HECW1: variants seen among roughly 807,000 people sequenced by gnomAD.
HECW1 encodes HECT, C2 and WW domain containing E3 ubiquitin protein ligase 1.
HECW1 carries 61 observed loss-of-function variants against 182.3 expected under a neutral mutation model. That is an observed-to-expected ratio of 0.33 (90% CI 0.27 to 0.41). The LOEUF (loss-of-function observed/expected upper bound fraction) is 0.41, where lower values mean the gene tolerates loss of function less well. HECW1 is among the 10% of genes least tolerant of loss of function. The pLI, the probability that HECW1 is intolerant of heterozygous loss-of-function variation, is 1.00. For missense variants in HECW1, 1,739 were observed against 2,108.9 expected, an observed-to-expected ratio of 0.82 and a Z score of 3.44; for synonymous variants, 859 against 832.6, an observed-to-expected ratio of 1.03 and a Z score of -0.55.
intron 5 of HECW1, among the ~76,000 whole-genome samples, chr7:43,352,076 A>G (rs1814547582): frequency 6.6e-6 from 1 of 152,140 alleles, no homozygotes; most frequent in Admixed American, 6.5e-5. Context: ...TGCTTCTTTT[A>G]GAATCAACAC....
intron 13 of HECW1, among the ~76,000 whole-genome samples, chr7:43,462,047 T>C (rs1196043682): frequency 6.6e-6 from 1 of 152,220 alleles, no homozygotes; most frequent in Non-Finnish European, 1.5e-5. Flanking sequence ...CTTTCCTCTG[T>C]AAGGTCAAGG....
rs556224595 is a variant in HECW1 at position 43,435,989 on chromosome 7, G to A, written c.802-2014G>A. ...ACCATCCTGGCTAACACAGTGAAACGCTGTCTGTACTAAAAATACAAAAAA... is the reference window on the plus strand; with the variant it reads ...ACCATCCTGGCTAACACAGTGAAACACTGTCTGTACTAAAAATACAAAAAA... On this transcript the variant is annotated intron_variant, in intron 8 of 29. Coordinates refer to ENST00000395891, the MANE Select transcript of HECW1 (RefSeq NM_015052.5). 4.7e-4 allele frequency among the ~76,000 whole-genome samples: 72 copies of A among 152,086 alleles called. 1 individual carries two copies. The highest frequency in any genetic ancestry group is 1.6e-3 in the African/African-American group (67 of 41,500).
chr7:43,502,918 A>C (rs1218633959), intron 21 of HECW1, among the ~76,000 whole-genome samples: 2 of 152,156 alleles, frequency 1.3e-5, no homozygotes, highest in African/African-American at 4.8e-5. Flanking sequence ...TTCCCAAGAG[A>C]AACAGAACTT....
intron 8 of HECW1, among the ~76,000 whole-genome samples, chr7:43,416,321 G>A (rs888241899): frequency 2.0e-5 from 3 of 151,352 alleles, no homozygotes; most frequent in Non-Finnish European, 4.4e-5. Context: ...GCTGGGGGGT[G>A]CCTCCCAGTT....
chr7:43,137,429 A>C (rs558951591), intron 2 of HECW1, among the ~76,000 whole-genome samples: 1 of 152,090 alleles, frequency 6.6e-6, no homozygotes, highest in African/African-American at 2.4e-5. Flanking sequence ...TCTAAAATGG[A>C]TACTCATCAG....
intron 2 of HECW1, among the ~76,000 whole-genome samples, chr7:43,133,062 TA>T (rs1787133457): frequency 6.6e-6 from 1 of 152,136 alleles, no homozygotes. Context: ...TTACTGAAGT[TA>T]ACTAGTGCGT....
rs561178625 is a variant in HECW1 at position 43,406,693 on chromosome 7, G to A, written c.632-869G>A. Among the ~76,000 whole-genome samples, 71 of 152,194 alleles carry A rather than the reference G, an allele frequency of 4.7e-4. No homozygotes were observed. The South Asian group carries it at 0.014, about 29-fold the overall frequency. ...AACACTTTGGGAGGCCGAGGCGGGCGGATCACCTGAGGTCAGGAGTTCAAA... is the reference window on the plus strand; with the variant it reads ...AACACTTTGGGAGGCCGAGGCGGGCAGATCACCTGAGGTCAGGAGTTCAAA... On this transcript the variant is annotated intron_variant, in intron 7 of 29. Coordinates refer to ENST00000395891, the MANE Select transcript of HECW1 (RefSeq NM_015052.5).
At chr7:43,269,368 GAC>G (rs895862975) in intron 3 of HECW1, among the ~76,000 whole-genome samples, 15 of 152,164 alleles carry the variant, frequency 9.9e-5, no homozygotes, top group African/African-American at 3.6e-4. Flanking sequence ...CCCTTTCCCT[GAC>G]ACACACTTCA....
chr7:43,403,774 A>G (rs1419281075), intron 7 of HECW1, among the ~76,000 whole-genome samples: 1 of 152,168 alleles, frequency 6.6e-6, no homozygotes. Context: ...AAATACTAGG[A>G]GGAATAAGGT....
chr7:43,130,403 A>G (rs920408255), intron 2 of HECW1, among the ~76,000 whole-genome samples: 1 of 152,200 alleles, frequency 6.6e-6, no homozygotes, highest in Non-Finnish European at 1.5e-5. Flanking sequence ...AATTTTATAC[A>G]TGATACAGTC....
intron 2 of HECW1, among the ~76,000 whole-genome samples, chr7:43,142,930 G>A (rs1420650791): frequency 1.3e-5 from 2 of 152,216 alleles, no homozygotes; most frequent in Non-Finnish European, 2.9e-5. Context: ...CTGGCTCAGA[G>A]TGGTGGGTGC....
rs1473717579 is a variant in HECW1, at chr7:43,351,144, C to A, written c.461-9742C>A. Among the ~76,000 whole-genome samples the A allele has an allele frequency of 2.0e-5, 3 of 152,308 alleles. No individual in the cohort carries two copies. In the East Asian group the frequency reaches 5.8e-4, roughly 29 times the overall value. Reference sequence around the variant, plus strand: ...AGTGATTGTTGTCTTTCTTCTGGGTCTAGCCACCCAGCGAGTCTACCTGCC... The same window carrying A: ...AGTGATTGTTGTCTTTCTTCTGGGTATAGCCACCCAGCGAGTCTACCTGCC... On this transcript the variant is annotated intron_variant, in intron 5 of 29. Coordinates refer to ENST00000395891, the MANE Select transcript of HECW1 (RefSeq NM_015052.5).
At chr7:43,115,299 C>CTTT (rs34686016) in intron 2 of HECW1, among the ~76,000 whole-genome samples, 4,404 of 138,118 alleles carry the variant, frequency 0.032, 301 homozygotes, top group African/African-American at 0.11. Context: ...TCAAACAGGT[C>CTTT]TTTTTTTTTT....
chr7:43,362,500 A>G (rs1279338910), intron 6 of HECW1, among the ~76,000 whole-genome samples: 2 of 152,192 alleles, frequency 1.3e-5, no homozygotes, highest in African/African-American at 2.4e-5. Flanking sequence ...TCGGACAGCA[A>G]TTTAAGTGTG....
chr7:43,258,813 A>G (rs1800866382), intron 3 of HECW1: 1 of 152,216 alleles, frequency 6.6e-6, no homozygotes, highest in Admixed American at 6.5e-5. Context: ...AACAGAGGCA[A>G]ATGTCTTGAG....
chr7:43,192,063 G>A (rs535254429), intron 2 of HECW1, among the ~76,000 whole-genome samples: 27 of 151,736 alleles, frequency 1.8e-4, no homozygotes, highest in Middle Eastern at 3.4e-3. Flanking sequence ...GGGTTCAAGC[G>A]ATTCTCCTGC....
intron 2 of HECW1, among the ~76,000 whole-genome samples, chr7:43,140,408 C>CA (rs1788035461): frequency 6.6e-6 from 1 of 152,026 alleles, no homozygotes; most frequent in Non-Finnish European, 1.5e-5. Context: ...TGTCAGTTCT[C>CA]CAAAAAAATC....
intron 7 of HECW1, among the ~76,000 whole-genome samples, chr7:43,399,515 G>A (rs987122601): frequency 6.6e-6 from 1 of 152,204 alleles, no homozygotes; most frequent in Non-Finnish European, 1.5e-5. Context: ...ACTAACCAAA[G>A]GTCCAGTGAA....
intron 8 of HECW1, among the ~76,000 whole-genome samples, chr7:43,409,837 T>C (rs2075739464): frequency 6.6e-6 from 1 of 152,196 alleles, no homozygotes; most frequent in Admixed American, 6.5e-5. Context: ...GTTCCCAGGG[T>C]CCAAGTGTCA....
Sources: allele counts gnomAD v4.1 joint callset (sites outside exome capture counted in the v4.1 genomes callset), GRCh38; gene constraint gnomAD v4.1.1; transcripts MANE v1.5; gene names NCBI Gene and HGNC (gene_info 2026-07-23, HGNC 2026-07-21).